The following PTPRT variants were observed in gnomAD, a reference collection of about 807,000 sequenced individuals.
PTPRT encodes protein tyrosine phosphatase receptor type T, also known as receptor-type tyrosine-protein phosphatase T.
In PTPRT, 56 loss-of-function variants were observed where a neutral mutation model predicts 176.8. The ratio of observed to expected loss-of-function variants is 0.32; its 90% CI spans 0.26 to 0.40. The LOEUF (loss-of-function observed/expected upper bound fraction) is 0.40. Among genes scored for constraint, PTPRT ranks in the 10% least tolerant of loss-of-function variants. PTPRT has a pLI of 1.00. For synonymous variants in PTPRT, 783 were observed against 739.0 expected (o/e 1.06, Z -0.96); for missense variants, 1,540 against 1,908.2 (o/e 0.81, Z 3.60).
At chr20:42,431,033 G>T (rs1439431673) in intron 9 of PTPRT, among the ~76,000 whole-genome samples, 1 of 152,148 alleles carries the variant, frequency 6.6e-6, no homozygotes, top group Non-Finnish European at 1.5e-5. Context: ...TGTGCGGTGG[G>T]GGTGGGAGTG....
intron 1 of PTPRT, among the ~76,000 whole-genome samples, chr20:42,902,652 GT>G (rs1413699018): frequency 7.2e-5 from 11 of 152,188 alleles, no homozygotes; most frequent in African/African-American, 2.4e-4. Flanking sequence ...GAGAAGCCCT[GT>G]GAGTTGTTCT....
intron 6 of PTPRT, among the ~76,000 whole-genome samples, chr20:42,689,914 T>C (rs2075765039): frequency 6.6e-6 from 1 of 150,924 alleles, no homozygotes; most frequent in Admixed American, 6.6e-5. Flanking sequence ...CCTCCAATGC[T>C]ATAAGATCAT....
At chr20:42,138,147 T>C (rs1456370424) in intron 18 of PTPRT, among the ~76,000 whole-genome samples, 1 of 152,246 alleles carries the variant, frequency 6.6e-6, no homozygotes, top group Non-Finnish European at 1.5e-5. Context: ...TTAGCACCTC[T>C]AATGAGTTCC....
At position 43,098,741 on chromosome 20, in the gene PTPRT, G is replaced by A. The variant is rs1005870950; in HGVS notation, c.88+90905C>T. Among the ~76,000 whole-genome samples the A allele has an allele frequency of 2.6e-5, 4 of 151,976 alleles. No homozygotes were observed. The South Asian group carries it at 6.2e-4, about 24-fold the overall frequency. On this transcript the variant is annotated intron_variant, in intron 1 of 30. Coordinates refer to ENST00000373187, the MANE Select transcript of PTPRT (RefSeq NM_007050.6). ...GCAAAAAATTACCTCCAGAATAAAC[G>A]CTAAGCACAGTGACTGTCTACAAAG...
intron 1 of PTPRT, among the ~76,000 whole-genome samples, chr20:42,955,220 C>T (rs1981547511): frequency 6.6e-6 from 1 of 152,170 alleles, no homozygotes; most frequent in Admixed American, 6.5e-5. Context: ...ACCATTAATC[C>T]TTCCCACAGC....
At chr20:43,029,492 C>T (rs2146194011) in intron 1 of PTPRT, among the ~76,000 whole-genome samples, 1 of 152,336 alleles carries the variant, frequency 6.6e-6, no homozygotes, top group Middle Eastern at 3.4e-3. Context: ...CTTCAATGGC[C>T]ATGCATCCTG....
At chr20:42,693,113 T>C (rs2075817368) in intron 6 of PTPRT, among the ~76,000 whole-genome samples, 2 of 152,220 alleles carry the variant, frequency 1.3e-5, no homozygotes. Flanking sequence ...CAGCAAAGTA[T>C]TAAAATATCT....
At chr20:42,946,789 G>A (rs1162470239) in intron 1 of PTPRT, among the ~76,000 whole-genome samples, 3 of 152,164 alleles carry the variant, frequency 2.0e-5, no homozygotes, top group African/African-American at 7.2e-5. Flanking sequence ...TTACAACGGG[G>A]TTTCTCAACT....
intron 2 of PTPRT, among the ~76,000 whole-genome samples, chr20:42,827,558 T>A (rs1287205402): frequency 6.6e-6 from 1 of 152,148 alleles, no homozygotes; most frequent in Non-Finnish European, 1.5e-5. Context: ...TAAGGCAGTG[T>A]TAAGAGGGAA....
At chr20:43,110,792 G>A (rs939859229) in intron 1 of PTPRT, among the ~76,000 whole-genome samples, 12 of 151,978 alleles carry the variant, frequency 7.9e-5, no homozygotes, top group African/African-American at 2.9e-4. Context: ...GCTGGGAGCA[G>A]AGGAGGAGAA....
rs1190390470 is a variant in PTPRT, at chr20:42,619,733, C to T, written c.1153+58133G>A. On this transcript the variant is annotated intron_variant, in intron 7 of 30. Coordinates refer to ENST00000373187, the MANE Select transcript of PTPRT (RefSeq NM_007050.6). ...TGCCCTTTCTTCCAGTTGATCACAT[C>T]GGCTCCTGAGGCTTCTGCATTCTTC... Among the ~76,000 whole-genome samples the T allele has an allele frequency of 5.2e-5, 7 of 134,350 alleles. 1 individual carries two copies. The highest frequency in any genetic ancestry group is 2.8e-4 in the Admixed American group (4 of 14,226). 88.1% of individuals were successfully genotyped at this position (134,350 alleles called of 152,430 possible). A position where few individuals can be genotyped will look rare whatever the true frequency, so the allele number is the denominator to read the frequency against.
At chr20:42,902,053 A>C (rs2079412283) in intron 1 of PTPRT, among the ~76,000 whole-genome samples, 1 of 152,178 alleles carries the variant, frequency 6.6e-6, no homozygotes, top group Non-Finnish European at 1.5e-5. Context: ...AAAGGCCTGA[A>C]GGCAATCTAA....
chr20:42,797,482 G>C (rs1230750421), intron 2 of PTPRT, among the ~76,000 whole-genome samples: 2 of 151,986 alleles, frequency 1.3e-5, no homozygotes, highest in Admixed American at 1.3e-4. Flanking sequence ...AATATGTGGA[G>C]CCTTACACAT....
chr20:42,317,163 T>C (rs1447176215), intron 11 of PTPRT, among the ~76,000 whole-genome samples: 1 of 152,200 alleles, frequency 6.6e-6, no homozygotes, highest in East Asian at 1.9e-4. Flanking sequence ...GCAGAAACCC[T>C]AATCGGATAA....
intron 1 of PTPRT, among the ~76,000 whole-genome samples, chr20:43,137,172 G>A (rs2013857897): frequency 1.3e-5 from 2 of 152,126 alleles, no homozygotes; most frequent in African/African-American, 2.4e-5. Flanking sequence ...AGGGAAAACT[G>A]GGGCCCAGAA....
intron 7 of PTPRT, chr20:42,606,975 T>C (rs751919793): frequency 1.3e-5 from 2 of 152,196 alleles, no homozygotes; most frequent in Non-Finnish European, 2.9e-5. Context: ...GAATGAATAA[T>C]TAAAATGTGG....
chr20:42,415,390 T>G (rs78080271), intron 9 of PTPRT, among the ~76,000 whole-genome samples: 1 of 108,742 alleles, frequency 9.2e-6, no homozygotes, highest in Admixed American at 9.6e-5. Context: ...TTGTTTGTTT[T>G]TTGTAGATAC....
intron 1 of PTPRT, among the ~76,000 whole-genome samples, chr20:42,913,941 T>C (rs1392836784): frequency 1.3e-5 from 2 of 152,244 alleles, no homozygotes; most frequent in Non-Finnish European, 2.9e-5. Context: ...TATTTATCCA[T>C]GTAATACATA....
intron 6 of PTPRT, among the ~76,000 whole-genome samples, chr20:42,748,493 A>G (rs2076722405): frequency 6.6e-6 from 1 of 152,164 alleles, no homozygotes; most frequent in Non-Finnish European, 1.5e-5. Context: ...TCCTAGCATG[A>G]GCTTGTCCTC....
Sources: gnomAD v4.1 joint callset for allele counts (sites outside exome capture counted in the v4.1 genomes callset) on GRCh38, gnomAD v4.1.1 for gene constraint, MANE v1.5 for transcripts, NCBI Gene and HGNC (gene_info 2026-07-23, HGNC 2026-07-21) for gene names.